The following GLI3 variants were observed in gnomAD, a reference collection of about 807,000 sequenced individuals.
GLI3 encodes GLI family zinc finger 3.
In GLI3, 20 loss-of-function variants were observed where a neutral mutation model predicts 100.8. That is an observed-to-expected ratio of 0.20 (90% CI 0.14 to 0.29). GLI3 has a LOEUF of 0.29. GLI3 is among the 10% of genes least tolerant of loss of function. GLI3 has a pLI of 1.00. For synonymous variants in GLI3, 938 were observed against 860.5 expected (o/e 1.09, Z -1.58); for missense variants, 2,040 against 2,128.5 (o/e 0.96, Z 0.82).
chr7:42,035,101 T>TTTTA (rs1789402606), intron 7 of GLI3, among the ~76,000 whole-genome samples: 1 of 152,222 alleles, frequency 6.6e-6, no homozygotes, highest in Non-Finnish European at 1.5e-5. Flanking sequence ...TATTAACTAC[T>TTTTA]TTACTGAAAA....
At chr7:42,074,248 T>C (rs1784836035) in intron 4 of GLI3, among the ~76,000 whole-genome samples, 1 of 152,210 alleles carries the variant, frequency 6.6e-6, no homozygotes, top group Admixed American at 6.5e-5. Flanking sequence ...CATTTCCACG[T>C]TACGAAACCA....
chr7:42,110,952 G>A (rs572261995), intron 3 of GLI3, among the ~76,000 whole-genome samples: 4 of 152,108 alleles, frequency 2.6e-5, no homozygotes, highest in East Asian at 1.9e-4. Flanking sequence ...AGAACAGCAC[G>A]AGCTTTGGAA....
At chr7:42,077,892 C>A (rs972663548) in intron 3 of GLI3, among the ~76,000 whole-genome samples, 4 of 152,154 alleles carry the variant, frequency 2.6e-5, no homozygotes, top group African/African-American at 9.7e-5. Context: ...AGACTAAATA[C>A]GACAGCAAAA....
rs1231416072 is a variant in GLI3, at chr7:42,026,249, T to C, written c.1192A>G (p.Thr398Ala). The C allele has an allele frequency of 1.2e-6, 2 of 1,613,726 alleles. No homozygotes were observed. The highest frequency in any genetic ancestry group is 2.7e-5 in the African/African-American group (2 of 74,850). The change falls in exon 8 of 15, where the codon ACG becomes GCG. Residue 398 changes from threonine (T) to alanine (A), a missense_variant. Coordinates refer to ENST00000395925, the MANE Select transcript of GLI3 (RefSeq NM_000168.6). The part of the protein sequence containing the change: ...PTQRPIPGIP[T>A]VLNPVQVSSG... ...CTGACCTGGACGGGGTTCAGAACCG[T>C]AGGGATCCCTGGAATAGGCCTCTGT...
chr7:42,182,839 G>C (rs544242526), intron 2 of GLI3, among the ~76,000 whole-genome samples: 9 of 151,478 alleles, frequency 5.9e-5, no homozygotes, highest in Non-Finnish European at 1.0e-4. Flanking sequence ...TTGAGAGGCC[G>C]AAGTGGGCAA....
At chr7:42,192,539 G>C (rs1318374356) in intron 2 of GLI3, among the ~76,000 whole-genome samples, 1 of 152,120 alleles carries the variant, frequency 6.6e-6, no homozygotes, top group Non-Finnish European at 1.5e-5. Flanking sequence ...CTACTCTTTG[G>C]CCTTCAAACT....
chr7:42,023,413 C>T, intron 10 of GLI3, 55 bp downstream of exon 10: 3 of 1,594,910 alleles, frequency 1.9e-6, no homozygotes, highest in South Asian at 1.1e-5. Flanking sequence ...AGGCTGACCT[C>T]CCTGGAAAGT....
chr7:42,003,261 T>C (rs1489435794), intron 10 of GLI3, among the ~76,000 whole-genome samples: 1 of 152,136 alleles, frequency 6.6e-6, no homozygotes, highest in African/African-American at 2.4e-5. Context: ...TCGAAGTGCA[T>C]GTATTATTTA....
intron 2 of GLI3, 185 bp downstream of exon 2, chr7:42,222,945 A>C: frequency 1.5e-6 from 1 of 664,884 alleles, no homozygotes; most frequent in South Asian, 1.7e-5. Flanking sequence ...GTGTAGGTTG[A>C]GTGCCAAAAT....
Position 41,964,292 on chromosome 7 carries a change from A to G in GLI3, c.*38T>C. The G allele has an allele frequency of 1.3e-6, 2 of 1,595,884 alleles. No homozygotes were observed. The highest frequency in any genetic ancestry group is 2.2e-5 in the South Asian group (2 of 90,398). On this transcript the variant is annotated 3_prime_UTR_variant, in exon 15 of 15. Transcript: ENST00000395925. ...AGTCAGTTTAATCTCTTCAACTCCT[A>G]TTGATTTCCGTTGGTTGCAGTCTTT... is the stretch of plus-strand genomic sequence containing the variant.
chr7:42,023,290 C>T (rs1788995315), intron 10 of GLI3, among the ~76,000 whole-genome samples, 178 bp downstream of exon 10: 1 of 152,218 alleles, frequency 6.6e-6, no homozygotes, highest in Non-Finnish European at 1.5e-5. Flanking sequence ...CTTTAGCTGA[C>T]TGAACAGGTC....
At chr7:42,137,684 T>G (rs1786462028) in intron 3 of GLI3, among the ~76,000 whole-genome samples, 1 of 152,112 alleles carries the variant, frequency 6.6e-6, no homozygotes, top group South Asian at 2.1e-4. Context: ...ATCCCTAATC[T>G]GAAAATCTGA....
intron 10 of GLI3, among the ~76,000 whole-genome samples, chr7:42,022,122 A>G (rs559464665): frequency 1.3e-3 from 202 of 152,358 alleles, no homozygotes; most frequent in African/African-American, 4.6e-3. Flanking sequence ...GTGCTCAGAA[A>G]TCTATAATTC....
At chr7:42,218,454 T>A in intron 2 of GLI3, among the ~76,000 whole-genome samples, 1 of 148,682 alleles carries the variant, frequency 6.7e-6, no homozygotes, top group Non-Finnish European at 1.5e-5. Context: ...TCATTACTTT[T>A]AAAGGCAAAA....
intron 2 of GLI3, among the ~76,000 whole-genome samples, chr7:42,203,027 T>C (rs1788077904): frequency 6.6e-6 from 1 of 152,208 alleles, no homozygotes; most frequent in South Asian, 2.1e-4. Context: ...CACCCCAGTC[T>C]TGAAGAACAA....
intron 3 of GLI3, among the ~76,000 whole-genome samples, chr7:42,078,087 G>C (rs114138686): frequency 1.3e-5 from 2 of 152,168 alleles, no homozygotes; most frequent in East Asian, 3.9e-4. Flanking sequence ...TTCTCTCAGC[G>C]GACAGGTTCT....
At chr7:42,224,762 T>C (rs926492651) in intron 1 of GLI3, among the ~76,000 whole-genome samples, 2 of 152,152 alleles carry the variant, frequency 1.3e-5, no homozygotes, top group African/African-American at 4.8e-5. Flanking sequence ...CGTGCGTGAG[T>C]CCCAAGGGCA....
chr7:42,050,560 T>C (rs1054403860), intron 4 of GLI3, among the ~76,000 whole-genome samples: 1 of 152,236 alleles, frequency 6.6e-6, no homozygotes, highest in African/African-American at 2.4e-5. Context: ...TCATTTATTC[T>C]TCACAAGAAA....
At chr7:42,209,857 A>T (rs895342678) in intron 2 of GLI3, among the ~76,000 whole-genome samples, 1 of 149,646 alleles carries the variant, frequency 6.7e-6, no homozygotes, top group Admixed American at 6.7e-5. Context: ...GCTCTTACAG[A>T]TCATCATTCC....
Sources: allele counts gnomAD v4.1 joint callset (sites outside exome capture counted in the v4.1 genomes callset), GRCh38; gene constraint gnomAD v4.1.1; transcripts MANE v1.5; gene names NCBI Gene and HGNC (gene_info 2026-07-23, HGNC 2026-07-21).